The following YTHDC2 variants were observed in gnomAD, a reference collection of about 807,000 sequenced individuals.
YTHDC2 encodes the protein YTH N6-methyladenosine RNA binding protein C2.
A neutral mutation model predicts 174.9 loss-of-function variants in YTHDC2; 45 were observed. The observed-to-expected ratio is 0.26, with a 90% CI of 0.20 to 0.33. The LOEUF is 0.33. YTHDC2 is among the 10% of genes least tolerant of loss of function. The pLI, the probability that YTHDC2 is intolerant of heterozygous loss-of-function variation, is 1.00. For missense variants in YTHDC2, 1,650 were observed against 1,723.7 expected (o/e 0.96, Z 0.76); for synonymous variants, 657 against 574.5 (o/e 1.14, Z -2.05).
chr5:113,530,503 A>G (rs1283688704), intron 4 of YTHDC2, among the ~76,000 whole-genome samples: 6 of 152,180 alleles, frequency 3.9e-5, no homozygotes, highest in African/African-American at 7.2e-5. Context: ...AAATAACACT[A>G]TACCACCTTA....
intron 3 of YTHDC2, 115 bp downstream of exon 3, chr5:113,525,292 G>C: frequency 1.1e-6 from 1 of 918,518 alleles, no homozygotes; most frequent in Non-Finnish European, 1.6e-6. Flanking sequence ...AATTGGAATA[G>C]TTTGTTAGAA....
chr5:113,578,656 A>G (rs745569178), intron 23 of YTHDC2, among the ~76,000 whole-genome samples: 1 of 152,066 alleles, frequency 6.6e-6, no homozygotes, highest in Non-Finnish European at 1.5e-5. Flanking sequence ...GTGCTTGTAC[A>G]TATTCCGGTA....
At chr5:113,534,530 A>G in intron 6 of YTHDC2, 123 bp downstream of exon 6, 2 of 686,430 alleles carry the variant, frequency 2.9e-6, no homozygotes, top group Non-Finnish European at 4.9e-6. Context: ...TAGGGTAGAA[A>G]AGAGAACCAA....
rs1404602809 is a variant in YTHDC2 at position 113,513,982 on chromosome 5, C to T, written c.87C>T (p.Gly29=). Residue 29 remains glycine (G), a synonymous_variant, in exon 1 of 30, where the codon GGC becomes GGT. Transcript: ENST00000161863. ...GCCCCTCGCCTTGTGGCCCTGGGGGCGGCGGCCGGGCCAAGGGGCTGAAGG... is the reference window on the plus strand; with the variant it reads ...GCCCCTCGCCTTGTGGCCCTGGGGGTGGCGGCCGGGCCAAGGGGCTGAAGG... ...GGGPSPCGPG[G]GGRAKGLKDI... is the part of the protein sequence containing the mutation. The T allele has an allele frequency of 5.0e-6, 8 of 1,602,744 alleles. No homozygotes were observed. The highest frequency in any genetic ancestry group is 6.8e-6 in the Non-Finnish European group (8 of 1,175,662).
Position 113,592,106 on chromosome 5 carries a change from C to T in YTHDC2, c.4140C>T (p.Pro1380=). 1 of 1,613,054 alleles carries T rather than the reference C, an allele frequency of 6.2e-7. No individual in the cohort carries two copies. Among genetic ancestry groups the T allele is most frequent in the Non-Finnish European group, 8.5e-7 (1 of 1,179,542 alleles). ...AGTGGATACGAAAAGAAAGCCTTCC[C>T]TTTCAATTTGCACACCATTTACTCA... ...KVEWIRKESL[P]FQFAHHLLNP... Residue 1380 remains proline, a synonymous_variant, in exon 28 of 30, where the codon CCC becomes CCT. Transcript: ENST00000161863.
At chr5:113,567,054 C>T in intron 21 of YTHDC2, 38 bp from the exon 22 acceptor site, 1 of 1,585,816 alleles carries the variant, frequency 6.3e-7, no homozygotes, top group Middle Eastern at 1.7e-4. Flanking sequence ...GTATCTTTTG[C>T]ACAATAGAAA....
At chr5:113,578,217 G>C (rs554461955) in intron 23 of YTHDC2, among the ~76,000 whole-genome samples, 28 of 146,990 alleles carry the variant, frequency 1.9e-4, no homozygotes, top group Middle Eastern at 3.4e-3. Context: ...TTAAGAGACA[G>C]GGTTTCACTC....
chr5:113,566,816 C>G (rs1182356522), intron 21 of YTHDC2, among the ~76,000 whole-genome samples: 1 of 151,928 alleles, frequency 6.6e-6, no homozygotes, highest in Non-Finnish European at 1.5e-5. Context: ...AACTTTATTG[C>G]AAGAATGTGG....
In YTHDC2 at chr5:113,513,878, G is replaced by A. The variant is rs1409016492; in HGVS notation, c.-18G>A. On this transcript the variant is annotated 5_prime_UTR_variant, in exon 1 of 30. Coordinates refer to ENST00000161863, the MANE Select transcript of YTHDC2 (RefSeq NM_022828.5). ...AGGCCTGGCCGCTCCCGTGCGGAGAGACCATCTCTTCAGGGCAATGTCCAG... is the reference window on the plus strand; with the variant it reads ...AGGCCTGGCCGCTCCCGTGCGGAGAAACCATCTCTTCAGGGCAATGTCCAG... 6.3e-7 allele frequency: 1 copy of A among 1,588,928 alleles called. No individual in the cohort carries two copies. Among genetic ancestry groups the A allele is most frequent in the Admixed American group, 1.8e-5 (1 of 55,870 alleles).
At chr5:113,544,631 T>C (rs891836734) in intron 10 of YTHDC2, among the ~76,000 whole-genome samples, 1 of 152,182 alleles carries the variant, frequency 6.6e-6, no homozygotes, top group African/African-American at 2.4e-5. Flanking sequence ...AGTGAACATA[T>C]GTATTTATGC....
At chr5:113,535,425 C>T (rs763093873) in intron 6 of YTHDC2, among the ~76,000 whole-genome samples, 12 of 152,214 alleles carry the variant, frequency 7.9e-5, no homozygotes, top group Non-Finnish European at 1.6e-4. Context: ...CATTCACCCA[C>T]AGATGCCAGG....
At chr5:113,530,875 G>A (rs751746377) in intron 4 of YTHDC2, among the ~76,000 whole-genome samples, 1 of 151,936 alleles carries the variant, frequency 6.6e-6, no homozygotes, top group African/African-American at 2.4e-5. Context: ...GTAGTCTACT[G>A]ACAACAAATT....
At chr5:113,546,753 G>A (rs573452641) in intron 10 of YTHDC2, among the ~76,000 whole-genome samples, 134 of 152,344 alleles carry the variant, frequency 8.8e-4, no homozygotes, top group African/African-American at 3.1e-3. Flanking sequence ...ATGAGGTTGC[G>A]GTTAAACTGT....
chr5:113,556,192 A>G, intron 17 of YTHDC2, 58 bp downstream of exon 17: 1 of 900,928 alleles, frequency 1.1e-6, no homozygotes, highest in Non-Finnish European at 1.8e-6. Context: ...ACGTTTTTAT[A>G]TGCATTACAC....
intron 4 of YTHDC2, among the ~76,000 whole-genome samples, chr5:113,527,173 A>G (rs1056270416): frequency 1.1e-4 from 17 of 152,160 alleles, no homozygotes; most frequent in Non-Finnish European, 1.5e-5. Flanking sequence ...GTTCTCATTT[A>G]TAAAATGGGA....
intron 12 of YTHDC2, among the ~76,000 whole-genome samples, chr5:113,550,170 G>A (rs561060300): frequency 6.6e-6 from 1 of 151,844 alleles, no homozygotes; most frequent in South Asian, 2.1e-4. Context: ...TAGGTGAAAG[G>A]AATGCTCAGG....
At position 113,548,637 on chromosome 5, in the gene YTHDC2, C is replaced by T; in HGVS notation, c.1592C>T (p.Ala531Val). ...SQVEQLISMG[A>V]NVHSKASNGW... ...GTAGAACAGTTAATCAGTATGGGAG[C>T]CAATGTCCATAGTAAAGCATCAAAT... Residue 531 changes from alanine to valine, a missense_variant, in exon 11 of 30, where the codon GCC (alanine) becomes GTC (valine). Physicochemically the swap from Ala to Val is moderately conservative, Grantham distance 64. Around this residue, in one of 5 missense-constraint regions of YTHDC2, gnomAD observed 411 missense variants for 380.6 expected, o/e 1.08. Transcript: ENST00000161863. 1.9e-6 allele frequency: 3 copies of T among 1,612,418 alleles called. No homozygotes were observed. Among genetic ancestry groups the T allele is most frequent in the Non-Finnish European group, 2.5e-6 (3 of 1,179,244 alleles).
At chr5:113,575,859 G>T (rs372128349) in intron 23 of YTHDC2, among the ~76,000 whole-genome samples, 12 of 152,252 alleles carry the variant, frequency 7.9e-5, no homozygotes, top group Admixed American at 5.9e-4. Context: ...CAAGATGATG[G>T]CTCAGATAGG....
At chr5:113,538,551 CATT>C (rs1775238561) in intron 7 of YTHDC2, among the ~76,000 whole-genome samples, 1 of 152,092 alleles carries the variant, frequency 6.6e-6, no homozygotes, top group African/African-American at 2.4e-5. Context: ...TTTTCATCAT[CATT>C]ATACACTTTT....
Sources: gnomAD v4.1 joint callset for allele counts (sites outside exome capture counted in the v4.1 genomes callset) on GRCh38, gnomAD v4.1.1 for gene constraint, gnomAD v4.1.1 regional missense constraint, MANE v1.5 for transcripts, NCBI Gene and HGNC (gene_info 2026-07-23, HGNC 2026-07-21) for gene names.